APLF: variants seen among roughly 807,000 people sequenced by gnomAD.
APLF encodes aprataxin and PNKP like factor.
Under a neutral mutation model 55.6 loss-of-function variants are expected in APLF, and 61 were observed. That is an observed-to-expected ratio of 1.10 (90% CI 0.89 to 1.36). The LOEUF is 1.36. Ranked by LOEUF, APLF falls within the 40% of genes most tolerant of loss-of-function variation. APLF has a pLI of 0.00. For synonymous variants in APLF, 207 were observed against 214.8 expected, an observed-to-expected ratio of 0.96 and a Z score of 0.32; for missense variants, 611 against 602.5, an observed-to-expected ratio of 1.01 and a Z score of -0.15.
At chr2:68,514,689 T>C (rs1669529703) in intron 5 of APLF, among the ~76,000 whole-genome samples, 1 of 151,816 alleles carries the variant, frequency 6.6e-6, no homozygotes. Flanking sequence ...CCTGTTCTCC[T>C]AGCCTCAAAC....
intron 6 of APLF, among the ~76,000 whole-genome samples, chr2:68,531,013 G>A (rs1466824489): frequency 1.3e-5 from 2 of 152,072 alleles, no homozygotes; most frequent in African/African-American, 4.8e-5. Flanking sequence ...CCATTTTCTT[G>A]CTAAGTGTGA....
chr2:68,528,826 G>A, intron 6 of APLF: 2 of 1,498,146 alleles, frequency 1.3e-6, no homozygotes, highest in East Asian at 4.9e-5. Flanking sequence ...TCAAGCTCTT[G>A]AGGTGGACAT....
chr2:68,482,396 G>A (rs1238945957), intron 1 of APLF, among the ~76,000 whole-genome samples: 1 of 152,170 alleles, frequency 6.6e-6, no homozygotes, highest in Non-Finnish European at 1.5e-5. Context: ...AGTGGCCTAG[G>A]CTGTGGAAGT....
At chr2:68,471,142 T>G (rs1312388116) in intron 1 of APLF, among the ~76,000 whole-genome samples, 1 of 152,194 alleles carries the variant, frequency 6.6e-6, no homozygotes, top group Non-Finnish European at 1.5e-5. Flanking sequence ...TTCCTTCCAT[T>G]TCGGCATCTC....
chr2:68,537,264 G>A (rs533934402), intron 6 of APLF, among the ~76,000 whole-genome samples: 12 of 151,702 alleles, frequency 7.9e-5, no homozygotes, highest in Admixed American at 3.9e-4. Flanking sequence ...TCAAATGAAA[G>A]CAAATGTCTT....
At chr2:68,516,906 A>AT (rs1466220445) in intron 5 of APLF, among the ~76,000 whole-genome samples, 1 of 130,722 alleles carries the variant, frequency 7.6e-6, no homozygotes, top group African/African-American at 2.9e-5. Flanking sequence ...AATATATTAT[A>AT]TATCCTATAT....
chr2:68,553,133 G>C (rs1274354566), intron 8 of APLF, among the ~76,000 whole-genome samples: 1 of 152,052 alleles, frequency 6.6e-6, no homozygotes, highest in African/African-American at 2.4e-5. Flanking sequence ...CTCCACGACT[G>C]TTAGTCTTGG....
intron 9 of APLF, among the ~76,000 whole-genome samples, chr2:68,575,578 T>G (rs1432915179): frequency 6.6e-6 from 1 of 151,684 alleles, no homozygotes; most frequent in East Asian, 1.9e-4. Context: ...GCCAGGGCAT[T>G]AGAGTGGATG....
intron 3 of APLF, among the ~76,000 whole-genome samples, chr2:68,503,761 T>G (rs2103935290): frequency 6.6e-6 from 1 of 152,144 alleles, no homozygotes; most frequent in Admixed American, 6.6e-5. Flanking sequence ...AGAAGAAATC[T>G]GTAAAACCAG....
chr2:68,494,067 C>G (rs552757270), intron 2 of APLF, among the ~76,000 whole-genome samples: 18 of 149,388 alleles, frequency 1.2e-4, no homozygotes, highest in African/African-American at 4.2e-4. Context: ...GAGACCACAC[C>G]ACTGCACTCT....
At chr2:68,547,703 A>G (rs1296066848) in intron 8 of APLF, among the ~76,000 whole-genome samples, 4 of 151,806 alleles carry the variant, frequency 2.6e-5, no homozygotes, top group Admixed American at 2.6e-4. Context: ...TGAATTCCAG[A>G]TGACTCATAG....
In APLF at chr2:68,548,205, A is replaced by G. The variant is rs151198881; in HGVS notation, c.1286+2893A>G. Among the ~76,000 whole-genome samples the G allele has an allele frequency of 2.1e-3, 325 of 151,968 alleles. 1 individual carries two copies. The highest frequency in any genetic ancestry group is 7.3e-3 in the African/African-American group (304 of 41,546). On this transcript the variant is annotated intron_variant, in intron 8 of 9. Coordinates refer to ENST00000303795, the MANE Select transcript of APLF (RefSeq NM_173545.3). ...CTCAGAGCAGGGATTATTTTCTAAAACAAGAAACAAAAATTAATTAAAATG... is the reference window on the plus strand; with the variant it reads ...CTCAGAGCAGGGATTATTTTCTAAAGCAAGAAACAAAAATTAATTAAAATG...
intron 8 of APLF, among the ~76,000 whole-genome samples, chr2:68,563,672 A>T (rs1671223730): frequency 6.6e-6 from 1 of 152,054 alleles, no homozygotes; most frequent in Non-Finnish European, 1.5e-5. Flanking sequence ...TCATTACTGT[A>T]CTTTATTTAA....
intron 1 of APLF, among the ~76,000 whole-genome samples, 158 bp downstream of exon 1, chr2:68,467,985 C>T (rs1369895981): frequency 6.6e-6 from 1 of 152,202 alleles, no homozygotes; most frequent in Non-Finnish European, 1.5e-5. Flanking sequence ...TACCTTTAAG[C>T]CAATTCACAA....
chr2:68,554,355 A>G (rs937885388), intron 8 of APLF, among the ~76,000 whole-genome samples: 2 of 152,100 alleles, frequency 1.3e-5, no homozygotes. Flanking sequence ...ATTTTCTGTG[A>G]CTTGTTATAC....
At chr2:68,495,062 C>G (rs1052781527) in intron 2 of APLF, among the ~76,000 whole-genome samples, 1 of 152,190 alleles carries the variant, frequency 6.6e-6, no homozygotes, top group Non-Finnish European at 1.5e-5. Flanking sequence ...CCACCTCCAG[C>G]ATTTGTGGAT....
chr2:68,569,748 G>T (rs532284351), intron 9 of APLF, among the ~76,000 whole-genome samples: 6 of 152,150 alleles, frequency 3.9e-5, no homozygotes, highest in Non-Finnish European at 7.3e-5. Context: ...TTGGATACAA[G>T]AGGGATTTTT....
intron 3 of APLF, among the ~76,000 whole-genome samples, chr2:68,505,210 G>A (rs1676839256): frequency 6.6e-6 from 1 of 151,906 alleles, no homozygotes; most frequent in Non-Finnish European, 1.5e-5. Context: ...ATTTAAACTA[G>A]CTGTTGAAAT....
At chr2:68,503,791 A>G (rs1014123544) in intron 3 of APLF, among the ~76,000 whole-genome samples, 3 of 152,092 alleles carry the variant, frequency 2.0e-5, no homozygotes, top group South Asian at 2.1e-4. Flanking sequence ...CTTCTACTTT[A>G]GGAGGATAGA....
Sources: allele counts gnomAD v4.1 joint callset (sites outside exome capture counted in the v4.1 genomes callset), GRCh38; gene constraint gnomAD v4.1.1; transcripts MANE v1.5; gene names NCBI Gene and HGNC (gene_info 2026-07-23, HGNC 2026-07-21).